The following IPO11 variants were observed in gnomAD, a reference collection of about 807,000 sequenced individuals.
IPO11 encodes importin-11.
Under a neutral mutation model 143.2 loss-of-function variants are expected in IPO11, and 66 were observed. That is an observed-to-expected ratio of 0.46 (90% CI 0.38 to 0.57). The LOEUF (loss-of-function observed/expected upper bound fraction) is 0.57, where lower values mean the gene tolerates loss of function less well. IPO11 is among the 20% of genes least tolerant of loss of function. IPO11 has a pLI of 0.00. For synonymous variants in IPO11, 385 were observed against 377.8 expected, an observed-to-expected ratio of 1.02 and a Z score of -0.22; for missense variants, 1,026 against 1,141.0, an observed-to-expected ratio of 0.90 and a Z score of 1.45.
chr5:62,581,927 A>G (rs1744582005), intron 27 of IPO11, among the ~76,000 whole-genome samples: 1 of 152,170 alleles, frequency 6.6e-6, no homozygotes, highest in Non-Finnish European at 1.5e-5. Flanking sequence ...ATAAATAGAA[A>G]TTAGCCCAGT....
At chr5:62,561,577 A>T (rs1318184721) in intron 27 of IPO11, among the ~76,000 whole-genome samples, 2 of 152,174 alleles carry the variant, frequency 1.3e-5, no homozygotes, top group African/African-American at 4.8e-5. Flanking sequence ...TTACATAGAT[A>T]TATTAAATAT....
intron 7 of IPO11, among the ~76,000 whole-genome samples, chr5:62,471,961 C>A (rs1470954869): frequency 6.6e-6 from 1 of 152,160 alleles, no homozygotes; most frequent in Non-Finnish European, 1.5e-5. Flanking sequence ...AGTATTGATA[C>A]ATATTACCAA....
chr5:62,440,046 C>G (rs933367700), intron 2 of IPO11, among the ~76,000 whole-genome samples: 1 of 152,200 alleles, frequency 6.6e-6, no homozygotes, highest in African/African-American at 2.4e-5. Context: ...TCCATTCGTT[C>G]ACTCATTTGC....
intron 1 of IPO11, among the ~76,000 whole-genome samples, chr5:62,417,540 C>G (rs948745436): frequency 7.9e-5 from 12 of 151,956 alleles, no homozygotes; most frequent in Non-Finnish European, 1.3e-4. Flanking sequence ...TAGGTTTTAG[C>G]CAGTCTTTTG....
intron 24 of IPO11, among the ~76,000 whole-genome samples, chr5:62,537,590 G>A (rs1742778734): frequency 6.6e-6 from 1 of 152,096 alleles, no homozygotes. Flanking sequence ...TGGGTAGTAA[G>A]GATTTAAAAA....
intron 24 of IPO11, among the ~76,000 whole-genome samples, chr5:62,537,591 G>T (rs1419442400): frequency 6.6e-6 from 1 of 152,090 alleles, no homozygotes; most frequent in Non-Finnish European, 1.5e-5. Flanking sequence ...GGGTAGTAAG[G>T]ATTTAAAAAC....
intron 20 of IPO11, among the ~76,000 whole-genome samples, chr5:62,516,316 C>T (rs769589660): frequency 8.6e-5 from 13 of 151,522 alleles, no homozygotes; most frequent in African/African-American, 1.7e-4. Context: ...CTTTTTGAGA[C>T]GGAGTCTCGC....
intron 28 of IPO11, among the ~76,000 whole-genome samples, chr5:62,592,480 A>C (rs1055418572): frequency 4.6e-5 from 7 of 152,188 alleles, no homozygotes; most frequent in African/African-American, 1.7e-4. Context: ...TGGAAACATC[A>C]AATTTTTTGA....
chr5:62,548,135 C>T (rs555750561), intron 24 of IPO11, among the ~76,000 whole-genome samples: 17 of 151,718 alleles, frequency 1.1e-4, no homozygotes, highest in African/African-American at 3.6e-4. Flanking sequence ...TCAGTGTTTA[C>T]GTCATGATTC....
At chr5:62,545,691 C>T (rs538093836) in intron 24 of IPO11, among the ~76,000 whole-genome samples, 138 of 152,206 alleles carry the variant, frequency 9.1e-4, no homozygotes, top group Non-Finnish European at 1.6e-3. Context: ...AAAATCTTTG[C>T]AACCTACTCA....
intron 1 of IPO11, 64 bp from the exon 2 acceptor site, chr5:62,437,210 A>T: frequency 7.6e-7 from 1 of 1,321,010 alleles, no homozygotes; most frequent in Non-Finnish European, 1.0e-6. Context: ...GTCTCCATTT[A>T]TTTTACTGTT....
chr5:62,560,373 A>C (rs1743731738), intron 26 of IPO11, among the ~76,000 whole-genome samples: 2 of 152,184 alleles, frequency 1.3e-5, no homozygotes, highest in African/African-American at 4.8e-5. Context: ...TACAGTCTTG[A>C]GGCAAAATTT....
chr5:62,481,609 C>T (rs981948543), intron 9 of IPO11, among the ~76,000 whole-genome samples: 4 of 152,156 alleles, frequency 2.6e-5, no homozygotes, highest in African/African-American at 9.7e-5. Context: ...AGGAATGAAG[C>T]CCACTTGATC....
At chr5:62,564,162 A>G (rs1743859961) in intron 27 of IPO11, among the ~76,000 whole-genome samples, 2 of 152,174 alleles carry the variant, frequency 1.3e-5, no homozygotes. Flanking sequence ...ATTGATATAG[A>G]AAATCTGTAT....
At chr5:62,565,307 T>C (rs920898964) in intron 27 of IPO11, among the ~76,000 whole-genome samples, 7 of 151,988 alleles carry the variant, frequency 4.6e-5, no homozygotes, top group Non-Finnish European at 7.4e-5. Flanking sequence ...GCCAACATGG[T>C]GAAATCTCAT....
chr5:62,496,364 A>C (rs1741158181), intron 16 of IPO11, among the ~76,000 whole-genome samples: 1 of 152,082 alleles, frequency 6.6e-6, no homozygotes, highest in Non-Finnish European at 1.5e-5. Flanking sequence ...TATTCATAGA[A>C]TATACTTTGA....
chr5:62,461,404 A>G (rs1745352786), intron 5 of IPO11, among the ~76,000 whole-genome samples: 1 of 152,228 alleles, frequency 6.6e-6, no homozygotes, highest in Non-Finnish European at 1.5e-5. Flanking sequence ...ACATAGCAAG[A>G]TTTCTTGCTA....
intron 1 of IPO11, among the ~76,000 whole-genome samples, chr5:62,420,353 T>C (rs1743468974): frequency 6.6e-6 from 1 of 152,036 alleles, no homozygotes; most frequent in African/African-American, 2.4e-5. Flanking sequence ...TAGTTGCTTA[T>C]TATCACTTTC....
At chr5:62,513,915 G>T (rs1483234731) in intron 19 of IPO11, among the ~76,000 whole-genome samples, 2 of 150,804 alleles carry the variant, frequency 1.3e-5, no homozygotes, top group Non-Finnish European at 1.5e-5. Context: ...TCCCAGACGG[G>T]GTCGCGGCCG....
Sources: gnomAD v4.1 joint callset for allele counts (sites outside exome capture counted in the v4.1 genomes callset) on GRCh38, gnomAD v4.1.1 for gene constraint, MANE v1.5 for transcripts, NCBI Gene and HGNC (gene_info 2026-07-23, HGNC 2026-07-21) for gene names.